The following GLDC variants were observed in gnomAD, a reference collection of about 807,000 sequenced individuals.
The protein encoded by GLDC is glycine decarboxylase.
GLDC carries 104 observed loss-of-function variants against 121.3 expected under a neutral mutation model. That is an observed-to-expected ratio of 0.86 (90% confidence interval 0.73 to 1.01). GLDC has a LOEUF of 1.01. Among genes scored for constraint, GLDC ranks in the 50% least tolerant of loss-of-function variants. The pLI is 0.00. For missense variants in GLDC, 1,429 were observed against 1,306.6 expected (o/e 1.09, Z -1.44); for synonymous variants, 546 against 480.6 (o/e 1.14, Z -1.78).
Position 6,604,644 on chromosome 9 carries a change from A to C in GLDC, c.1002T>G (p.Phe334Leu). 2.5e-6 allele frequency: 4 copies of C among 1,613,748 alleles called. No individual in the cohort carries two copies. The highest frequency in any genetic ancestry group is 3.4e-6 in the Non-Finnish European group (4 of 1,179,962). Residue 334 changes from phenylalanine (F) to leucine (L), a missense_variant, in exon 7 of 25, where the codon TTT becomes TTG. Transcript: ENST00000321612. ...TTCTCACCAAGCTTTCTCGGACAGC[A>C]AAAAATGCTGCATGGGGTCCCCCAT... ...LGYGGPHAAF[F>L]AVRESLVRMM...
chr9:6,569,613 C>G (rs918708299), intron 15 of GLDC, among the ~76,000 whole-genome samples: 2 of 152,128 alleles, frequency 1.3e-5, no homozygotes, highest in African/African-American at 2.4e-5. Context: ...GATCGCACCA[C>G]TGCACTCTAG....
chr9:6,609,628 C>T (rs11792739), intron 4 of GLDC, among the ~76,000 whole-genome samples: 31,095 of 151,860 alleles, frequency 0.2, 3,652 homozygotes, highest in Non-Finnish European at 0.27. Context: ...TCACCCCCAC[C>T]CCCAGCCACA....
chr9:6,591,834 C>A, intron 11 of GLDC: 1 of 246,900 alleles, frequency 4.1e-6, no homozygotes, highest in South Asian at 5.6e-5. Flanking sequence ...TCTGCCCCCC[C>A]GCCCCCCTGA....
chr9:6,643,377 C>G (rs1819667720), intron 2 of GLDC, among the ~76,000 whole-genome samples: 1 of 151,042 alleles, frequency 6.6e-6, no homozygotes, highest in Admixed American at 6.7e-5. Context: ...GGCTCCATAC[C>G]TCAAATGTCC....
chr9:6,544,715 C>A (rs1168131867), intron 21 of GLDC, among the ~76,000 whole-genome samples: 1 of 137,472 alleles, frequency 7.3e-6, no homozygotes, highest in East Asian at 2.4e-4. Flanking sequence ...CTAACAAAGT[C>A]ATCTCCTCCT....
chr9:6,546,082 A>G (rs1018195348), intron 21 of GLDC, among the ~76,000 whole-genome samples: 4 of 152,194 alleles, frequency 2.6e-5, no homozygotes, highest in Non-Finnish European at 4.4e-5. Context: ...GCTTTCTTCT[A>G]TATTTAATTT....
At chr9:6,608,700 C>T (rs1284019172) in intron 4 of GLDC, among the ~76,000 whole-genome samples, 1 of 151,972 alleles carries the variant, frequency 6.6e-6, no homozygotes, top group Non-Finnish European at 1.5e-5. Flanking sequence ...GAGCAGAGAT[C>T]ACGCCACTGT....
chr9:6,585,223 T>G (rs542787671), intron 15 of GLDC: 2 of 152,306 alleles, frequency 1.3e-5, no homozygotes, highest in East Asian at 3.9e-4. Context: ...GGATCCTGGC[T>G]GGGATCACAA....
intron 8 of GLDC, 72 bp from the exon 9 acceptor site, chr9:6,595,191 G>A (rs753440837): frequency 9.9e-7 from 1 of 1,010,996 alleles, no homozygotes; most frequent in Non-Finnish European, 1.6e-6. Flanking sequence ...TACTTGACTT[G>A]GGATGTCAAA....
At chr9:6,535,493 T>C (rs1313290573) in intron 23 of GLDC, among the ~76,000 whole-genome samples, 1 of 152,008 alleles carries the variant, frequency 6.6e-6, no homozygotes, top group Admixed American at 6.6e-5. Flanking sequence ...ACTTGTTCTC[T>C]GGCTTACAGC....
intron 2 of GLDC, among the ~76,000 whole-genome samples, chr9:6,639,988 C>T (rs1046086966): frequency 6.6e-6 from 1 of 152,158 alleles, no homozygotes; most frequent in Non-Finnish European, 1.5e-5. Flanking sequence ...ATAGGACCAA[C>T]CAGGCTAAGC....
chr9:6,542,651 C>T (rs940821008), intron 21 of GLDC, among the ~76,000 whole-genome samples: 28 of 151,750 alleles, frequency 1.8e-4, no homozygotes, highest in African/African-American at 4.4e-4. Flanking sequence ...TTCAGGAGAC[C>T]GAGGCAGGAA....
At chr9:6,614,880 G>A (rs1587968856) in intron 3 of GLDC, among the ~76,000 whole-genome samples, 1 of 152,158 alleles carries the variant, frequency 6.6e-6, no homozygotes, top group Admixed American at 6.6e-5. Context: ...AACATGTAGA[G>A]CATGTTACTG....
chr9:6,567,785 C>T (rs925891299), intron 15 of GLDC, among the ~76,000 whole-genome samples: 6 of 152,130 alleles, frequency 3.9e-5, no homozygotes, highest in African/African-American at 9.7e-5. Context: ...AAATTATTAC[C>T]GATTTCACAT....
chr9:6,620,172 GA>G lies in GLDC; in HGVS notation c.470+11del. 6.2e-7 allele frequency: 1 copy of G among 1,611,654 alleles called. No individual in the cohort carries two copies. Among genetic ancestry groups the G allele is most frequent in the South Asian group, 1.1e-5 (1 of 90,978 alleles). ...CACAGTCATCCTGTTCCTGAACTGAGAAATACATTACCATCCTGAGTTCTCC... is the reference window on the plus strand; with the variant it reads ...CACAGTCATCCTGTTCCTGAACTGAGAATACATTACCATCCTGAGTTCTCC... On this transcript the variant is annotated intron_variant, in intron 3 of 24. Coordinates refer to ENST00000321612, the MANE Select transcript of GLDC (RefSeq NM_000170.3).
chr9:6,541,442 C>T (rs1356518508), intron 21 of GLDC: 1 of 152,226 alleles, frequency 6.6e-6, no homozygotes, highest in African/African-American at 2.4e-5. Context: ...AGCATAACTT[C>T]TCAAGCCTGT....
intron 15 of GLDC, among the ~76,000 whole-genome samples, chr9:6,572,496 G>A (rs192129870): frequency 6.6e-6 from 1 of 152,122 alleles, no homozygotes; most frequent in East Asian, 1.9e-4. Context: ...CTATGGGAGA[G>A]ACACGGTCCT....
Position 6,545,973 on chromosome 9 carries a change from T to C in GLDC, c.2569+4830A>G, listed in dbSNP as rs150592400. ...ACTTTTTTACTTTATAAACTAAATT[T>C]TTTAAACCTTTCTGACTCTTTTGTA... On this transcript the variant is annotated intron_variant, in intron 21 of 24. Transcript: ENST00000321612. Among the ~76,000 whole-genome samples, 582 of 152,352 alleles carry C rather than the reference T, an allele frequency of 3.8e-3. 5 individuals are homozygous for C. The highest frequency in any genetic ancestry group is 0.014 in the African/African-American group (562 of 41,586).
chr9:6,592,289 G>C, intron 10 of GLDC, 66 bp from the exon 11 acceptor site: 1 of 1,002,536 alleles, frequency 1.0e-6, no homozygotes, highest in Non-Finnish European at 1.6e-6. Flanking sequence ...GGAATCCCAA[G>C]AGAGGTCAAA....
Sources: gnomAD v4.1 joint callset for allele counts (sites outside exome capture counted in the v4.1 genomes callset) on GRCh38, gnomAD v4.1.1 for gene constraint, MANE v1.5 for transcripts, NCBI Gene and HGNC (gene_info 2026-07-23, HGNC 2026-07-21) for gene names.